Variants in THSD4 observed in about 807,000 individuals in gnomAD.
THSD4 encodes thrombospondin type-1 domain-containing protein 4.
In THSD4, 69 loss-of-function variants were observed where a neutral mutation model predicts 119.0. The observed-to-expected ratio is 0.58, with a 90% CI of 0.48 to 0.71. The LOEUF is 0.71. Among genes scored for constraint, THSD4 ranks in the 30% least tolerant of loss-of-function variants. THSD4 has a pLI of 0.00. For synonymous variants in THSD4, 524 were observed against 540.4 expected (o/e 0.97, Z 0.42); for missense variants, 1,393 against 1,391.1 (o/e 1.00, Z -0.02).
At chr15:71,601,212 C>T (rs1328850687) in intron 7 of THSD4, among the ~76,000 whole-genome samples, 1 of 152,224 alleles carries the variant, frequency 6.6e-6, no homozygotes, top group Admixed American at 6.5e-5. Context: ...TTCTGTTCTA[C>T]TAAAGACTAT....
Position 71,097,336 on chromosome 15 carries a change from G to A in THSD4, c.-80+330G>A, listed in dbSNP as rs1258377827. Among the ~76,000 whole-genome samples, 3 of 152,118 alleles carry A rather than the reference G, an allele frequency of 2.0e-5. No individual in the cohort carries two copies. In the South Asian group the frequency reaches 6.2e-4, roughly 32 times the overall value. On this transcript the variant is annotated intron_variant, in intron 1 of 17. Transcript: ENST00000355327. ...TACCAGCACTTTGGGAGGCTGAGAC[G>A]GGTGGATTGCTTGAGCACAGGAGTT...
intron 7 of THSD4, among the ~76,000 whole-genome samples, chr15:71,656,393 A>G (rs972029953): frequency 2.0e-5 from 3 of 152,236 alleles, no homozygotes; most frequent in Admixed American, 1.3e-4. Flanking sequence ...TTATAACAAT[A>G]AGAAAGTAAT....
At chr15:71,165,346 C>T in intron 3 of THSD4, 11 of 1,531,810 alleles carry the variant, frequency 7.2e-6, no homozygotes, top group Non-Finnish European at 8.0e-6. Context: ...TTATGCTCCT[C>T]CCGACGTTTG....
In THSD4 at chr15:71,123,398, A is replaced by G. The variant is rs762212297; in HGVS notation, c.-80+7700A>G. Among the ~76,000 whole-genome samples the G allele has an allele frequency of 2.6e-5, 4 of 152,212 alleles. 1 individual carries two copies. The highest frequency in any genetic ancestry group is 2.6e-4 in the Admixed American group (4 of 15,290). On this transcript the variant is annotated intron_variant, in intron 1 of 17. Coordinates refer to ENST00000261862, the MANE Select transcript of THSD4 (RefSeq NM_024817.3). ...TCTTTAAGCTTCAGTTTCCTCATGT[A>G]TGAAATGGGCTAACAATCTCTGTAC...
intron 6 of THSD4, among the ~76,000 whole-genome samples, chr15:71,265,869 C>A (rs1371747808): frequency 6.6e-6 from 1 of 152,202 alleles, no homozygotes; most frequent in Non-Finnish European, 1.5e-5. Context: ...GAGCCCACCG[C>A]AGCTCGGGAA....
intron 6 of THSD4, among the ~76,000 whole-genome samples, chr15:71,353,605 T>C (rs1221018603): frequency 3.9e-5 from 6 of 152,214 alleles, no homozygotes; most frequent in Admixed American, 2.6e-4. Flanking sequence ...CAAAATGTTT[T>C]CTCTGTGAAC....
chr15:71,373,621 G>A (rs768876747), intron 6 of THSD4, among the ~76,000 whole-genome samples: 5 of 152,166 alleles, frequency 3.3e-5, no homozygotes, highest in African/African-American at 4.8e-5. Context: ...CTAAAAGACA[G>A]CTTCGAATGG....
At chr15:71,520,347 G>T (rs2048422026) in intron 7 of THSD4, among the ~76,000 whole-genome samples, 1 of 152,166 alleles carries the variant, frequency 6.6e-6, no homozygotes, top group Non-Finnish European at 1.5e-5. Context: ...TGCCCTGAAT[G>T]ACACTAGAGG....
intron 8 of THSD4, among the ~76,000 whole-genome samples, chr15:71,704,259 A>G (rs2052352091): frequency 6.6e-6 from 1 of 152,244 alleles, no homozygotes; most frequent in South Asian, 2.1e-4. Flanking sequence ...AAGATAGCAC[A>G]TTACATTAAT....
intron 8 of THSD4, among the ~76,000 whole-genome samples, chr15:71,714,201 TGAA>T (rs2052565086): frequency 6.6e-6 from 1 of 152,020 alleles, no homozygotes; most frequent in South Asian, 2.1e-4. Flanking sequence ...GATTATGAGA[TGAA>T]GATAGTTTAT....
chr15:71,709,876 CTT>C (rs2052473439), intron 8 of THSD4, among the ~76,000 whole-genome samples: 1 of 151,786 alleles, frequency 6.6e-6, no homozygotes, highest in Non-Finnish European at 1.5e-5. Context: ...AAAAAAAAAA[CTT>C]TTCAGGTGCT....
chr15:71,410,041 G>A (rs2046664332), intron 6 of THSD4, among the ~76,000 whole-genome samples: 1 of 152,060 alleles, frequency 6.6e-6, no homozygotes, highest in South Asian at 2.1e-4. Flanking sequence ...AATTAATTTA[G>A]CATTTACTGA....
intron 6 of THSD4, chr15:71,342,595 C>G (rs529459072): frequency 6.6e-6 from 1 of 152,552 alleles, no homozygotes; most frequent in South Asian, 2.1e-4. Flanking sequence ...CAGGCGCAGA[C>G]CCTGCAGTGG....
At chr15:71,556,586 A>AG (rs2049021429) in intron 7 of THSD4, among the ~76,000 whole-genome samples, 1 of 141,626 alleles carries the variant, frequency 7.1e-6, no homozygotes, top group Admixed American at 6.7e-5. Context: ...TACAAAAAAA[A>AG]TAATAATAAT....
intron 7 of THSD4, among the ~76,000 whole-genome samples, chr15:71,602,553 C>CAAAAAA (rs59370074): frequency 3.7e-4 from 20 of 53,882 alleles, no homozygotes; most frequent in South Asian, 1.1e-3. Flanking sequence ...AACTCTGTCT[C>CAAAAAA]AAAAAAAAAA....
chr15:71,552,991 A>T (rs1018105668), intron 7 of THSD4, among the ~76,000 whole-genome samples: 1 of 152,258 alleles, frequency 6.6e-6, no homozygotes, highest in African/African-American at 2.4e-5. Context: ...AAACAAATAC[A>T]GAGAATAAAA....
intron 7 of THSD4, among the ~76,000 whole-genome samples, chr15:71,627,261 A>G (rs375431365): frequency 6.6e-6 from 1 of 152,244 alleles, no homozygotes; most frequent in South Asian, 2.1e-4. Context: ...GGGAACCTCA[A>G]GAGGAAGATG....
chr15:71,109,007 C>A (rs1212632085), intron 1 of THSD4, among the ~76,000 whole-genome samples: 1 of 151,804 alleles, frequency 6.6e-6, no homozygotes, highest in East Asian at 1.9e-4. Flanking sequence ...AACAAACAAA[C>A]AAACAAAAAA....
At chr15:71,322,298 C>G (rs1295775564) in intron 6 of THSD4, among the ~76,000 whole-genome samples, 2 of 151,936 alleles carry the variant, frequency 1.3e-5, no homozygotes, top group African/African-American at 2.4e-5. Flanking sequence ...CAACACTCAA[C>G]CCTTGCTGGA....
Sources: gnomAD v4.1 joint callset for allele counts (sites outside exome capture counted in the v4.1 genomes callset) on GRCh38, gnomAD v4.1.1 for gene constraint, MANE v1.5 for transcripts, NCBI Gene and HGNC (gene_info 2026-07-23, HGNC 2026-07-21) for gene names.